Variants in SLC24A2 observed in about 807,000 individuals in gnomAD.
SLC24A2 encodes the protein solute carrier family 24 member 2.
SLC24A2 carries 36 observed loss-of-function variants against 62.0 expected under a neutral mutation model. The ratio of observed to expected loss-of-function variants is 0.58; its 90% CI spans 0.44 to 0.77. The LOEUF (loss-of-function observed/expected upper bound fraction) is 0.77, where lower values mean the gene tolerates loss of function less well. SLC24A2 is among the 30% of genes least tolerant of loss of function. The pLI is 0.00. For missense variants in SLC24A2, 846 were observed against 817.9 expected (o/e 1.03, Z -0.42); for synonymous variants, 358 against 294.0 (o/e 1.22, Z -2.23).
chr9:19,938,890 T>TACAAA, the SLC24A2 span, among the ~76,000 whole-genome samples: 5 of 141,816 alleles, frequency 3.5e-5, no homozygotes, highest in African/African-American at 1.0e-4. Context: ...TGAGACTATG[T>TACAAA]ACAAAACAAA....
At chr9:20,258,134 A>T in the SLC24A2 span, among the ~76,000 whole-genome samples, 6 of 152,364 alleles carry the variant, frequency 3.9e-5, no homozygotes, top group East Asian at 1.2e-3. Context: ...CCAAGTCCTA[A>T]CATCCGGAAC....
chr9:19,979,502 A>G, the SLC24A2 span, among the ~76,000 whole-genome samples: 1 of 152,220 alleles, frequency 6.6e-6, no homozygotes, highest in Non-Finnish European at 1.5e-5. Context: ...GTTTTAGGGC[A>G]GGTACTGTAC....
chr9:19,872,326 T>C, the SLC24A2 span, among the ~76,000 whole-genome samples: 5 of 152,192 alleles, frequency 3.3e-5, no homozygotes, highest in African/African-American at 4.8e-5. Flanking sequence ...AGTATTATGG[T>C]GATTATGCCT....
the SLC24A2 span, among the ~76,000 whole-genome samples, chr9:19,973,740 C>A: frequency 6.6e-6 from 1 of 152,280 alleles, no homozygotes; most frequent in Non-Finnish European, 1.5e-5. Context: ...ATACATTTTA[C>A]CCGCTTGTTT....
the SLC24A2 span, among the ~76,000 whole-genome samples, chr9:20,247,184 G>A: frequency 3.3e-5 from 5 of 152,258 alleles, no homozygotes; most frequent in South Asian, 8.3e-4. Context: ...GCATTTCTAT[G>A]AATATATGCC....
intron 7 of SLC24A2, among the ~76,000 whole-genome samples, chr9:19,552,513 AGAT>A (rs1292992602): frequency 6.6e-6 from 1 of 152,022 alleles, no homozygotes; most frequent in Non-Finnish European, 1.5e-5. Context: ...CTCACATGAG[AGAT>A]GATTTTTTTT....
chr9:20,112,278 C>A, the SLC24A2 span, among the ~76,000 whole-genome samples: 2 of 152,168 alleles, frequency 1.3e-5, no homozygotes, highest in African/African-American at 4.8e-5. Flanking sequence ...ATTTTCGACA[C>A]TTGTCTGGCT....
intron 2 of SLC24A2, among the ~76,000 whole-genome samples, chr9:19,710,286 A>G (rs1233865534): frequency 6.6e-6 from 1 of 152,148 alleles, no homozygotes; most frequent in African/African-American, 2.4e-5. Context: ...CCTTACCTCA[A>G]GATGCTTTCA....
intron 4 of SLC24A2, among the ~76,000 whole-genome samples, chr9:19,614,181 CTG>C (rs1319106547): frequency 6.6e-6 from 1 of 152,176 alleles, no homozygotes; most frequent in African/African-American, 2.4e-5. Flanking sequence ...ATATAGGACA[CTG>C]AATTTATTAG....
At chr9:19,629,326 A>G (rs1268101280) in intron 2 of SLC24A2, among the ~76,000 whole-genome samples, 1 of 152,220 alleles carries the variant, frequency 6.6e-6, no homozygotes, top group Non-Finnish European at 1.5e-5. Flanking sequence ...ACATATATTA[A>G]GAACTGTTAT....
At chr9:20,116,120 T>C in the SLC24A2 span, among the ~76,000 whole-genome samples, 1 of 152,274 alleles carries the variant, frequency 6.6e-6, no homozygotes, top group African/African-American at 2.4e-5. Context: ...AAGTAAGATA[T>C]GTGCCATTTG....
the SLC24A2 span, among the ~76,000 whole-genome samples, chr9:19,921,850 A>C: frequency 6.6e-6 from 1 of 152,204 alleles, no homozygotes; most frequent in Non-Finnish European, 1.5e-5. Context: ...TATCTTATTG[A>C]TATGAAAGTT....
At chr9:19,567,629 T>C (rs1273901172) in intron 7 of SLC24A2, among the ~76,000 whole-genome samples, 1 of 150,564 alleles carries the variant, frequency 6.6e-6, no homozygotes. Context: ...AACGTCATAA[T>C]GTGATTAATT....
the SLC24A2 span, among the ~76,000 whole-genome samples, chr9:19,799,367 CT>C: frequency 6.6e-6 from 1 of 152,042 alleles, no homozygotes; most frequent in Non-Finnish European, 1.5e-5. Context: ...ATTTATCTGC[CT>C]TCTGCATGTG....
chr9:19,985,140 G>A, the SLC24A2 span, among the ~76,000 whole-genome samples: 1 of 152,206 alleles, frequency 6.6e-6, no homozygotes, highest in Middle Eastern at 3.4e-3. Context: ...AAACCTGATG[G>A]GAAGTGAAAA....
chr9:20,181,991 A>C, the SLC24A2 span, among the ~76,000 whole-genome samples: 1 of 152,248 alleles, frequency 6.6e-6, no homozygotes, highest in Non-Finnish European at 1.5e-5. Flanking sequence ...ACTTATCAAA[A>C]GAAGACATTT....
chr9:19,910,902 CT>C, the SLC24A2 span, among the ~76,000 whole-genome samples: 3 of 144,828 alleles, frequency 2.1e-5, no homozygotes, highest in South Asian at 6.5e-4. Context: ...TTTTTCTTTT[CT>C]TTTCTTTTAT....
rs535419205 is a variant in SLC24A2, at chr9:19,742,031, A to C, written c.930+43906T>G. 3.3e-5 allele frequency among the ~76,000 whole-genome samples: 5 copies of C among 152,334 alleles called. No individual in the cohort carries two copies. The East Asian group carries it at 9.6e-4, about 29-fold the overall frequency. Reference sequence around the variant, plus strand: ...TGAGCATAAGCCACACATCTCTCACAGGTTCACACTATTTCTTTTAAAGCT... The same window carrying C: ...TGAGCATAAGCCACACATCTCTCACCGGTTCACACTATTTCTTTTAAAGCT... On this transcript the variant is annotated intron_variant, in intron 2 of 10. Transcript: ENST00000341998.
the SLC24A2 span, among the ~76,000 whole-genome samples, chr9:19,796,909 T>C: frequency 6.6e-6 from 1 of 152,176 alleles, no homozygotes; most frequent in African/African-American, 2.4e-5. Flanking sequence ...ATTTGTTTTG[T>C]GTATATTTAA....
Sources: allele counts gnomAD v4.1 joint callset (sites outside exome capture counted in the v4.1 genomes callset), GRCh38; gene constraint gnomAD v4.1.1; transcripts MANE v1.5; gene names NCBI Gene and HGNC (gene_info 2026-07-23, HGNC 2026-07-21).